GALNT17: variants seen among roughly 807,000 people sequenced by gnomAD.
GALNT17 encodes the protein polypeptide N-acetylgalactosaminyltransferase 17, also known as UDP-GalNAc:polypeptide N-acetylgalactosaminyltransferase-like 3.
GALNT17 carries 29 observed loss-of-function variants against 63.7 expected under a neutral mutation model. The ratio of observed to expected loss-of-function variants is 0.46; its 90% CI spans 0.34 to 0.62. The LOEUF (loss-of-function observed/expected upper bound fraction) is 0.62. GALNT17 is among the 20% of genes least tolerant of loss of function. The pLI, the probability that GALNT17 is intolerant of heterozygous loss-of-function variation, is 0.01. For missense variants in GALNT17, 603 were observed against 799.6 expected, an observed-to-expected ratio of 0.75 and a Z score of 2.97; for synonymous variants, 305 against 318.3, an observed-to-expected ratio of 0.96 and a Z score of 0.45.
intron 1 of GALNT17, among the ~76,000 whole-genome samples, chr7:71,201,238 T>TA (rs201227384): frequency 0.086 from 12,291 of 143,244 alleles, 1,363 homozygotes; most frequent in African/African-American, 0.25. Context: ...TGTGTGTTTA[T>TA]TTTTATATAT....
chr7:71,627,380 T>C (rs1467616165), intron 6 of GALNT17, among the ~76,000 whole-genome samples: 1 of 152,166 alleles, frequency 6.6e-6, no homozygotes, highest in Non-Finnish European at 1.5e-5. Context: ...GGTTGCACCA[T>C]TGCGCCCTAG....
intron 5 of GALNT17, among the ~76,000 whole-genome samples, chr7:71,469,360 C>A (rs998436639): frequency 6.6e-6 from 1 of 152,120 alleles, no homozygotes; most frequent in Non-Finnish European, 1.5e-5. Flanking sequence ...ATTCCTGTGG[C>A]CTAGGACTGG....
At chr7:71,461,204 G>A (rs1227254933) in intron 5 of GALNT17, among the ~76,000 whole-genome samples, 1 of 150,594 alleles carries the variant, frequency 6.6e-6, no homozygotes, top group African/African-American at 2.4e-5. Flanking sequence ...CATTTTTCTA[G>A]GTCCAGTAGT....
intron 1 of GALNT17, among the ~76,000 whole-genome samples, chr7:71,204,355 T>A (rs1789231298): frequency 6.6e-6 from 1 of 152,196 alleles, no homozygotes; most frequent in Non-Finnish European, 1.5e-5. Flanking sequence ...TTGTTTTGTT[T>A]GCACGAGATT....
At chr7:71,268,293 A>G (rs1392269704) in intron 1 of GALNT17, among the ~76,000 whole-genome samples, 12 of 151,774 alleles carry the variant, frequency 7.9e-5, no homozygotes, top group African/African-American at 1.5e-4. Flanking sequence ...TGTAATTCCA[A>G]CACACTGGGA....
intron 6 of GALNT17, among the ~76,000 whole-genome samples, chr7:71,622,429 T>C (rs1028199124): frequency 2.0e-5 from 3 of 152,220 alleles, no homozygotes; most frequent in South Asian, 2.1e-4. Context: ...TTCAAAGATA[T>C]CTTCTTGTCT....
At chr7:71,421,521 AGGGGGTGT>A (rs1786665152) in intron 5 of GALNT17, among the ~76,000 whole-genome samples, 1 of 152,136 alleles carries the variant, frequency 6.6e-6, no homozygotes, top group African/African-American at 2.4e-5. Flanking sequence ...GAAAAGGACA[AGGGGGTGT>A]GGCATTCTGA....
intron 6 of GALNT17, among the ~76,000 whole-genome samples, chr7:71,644,579 G>T (rs1329260015): frequency 8.0e-5 from 10 of 125,028 alleles, no homozygotes; most frequent in Admixed American, 7.8e-4. Context: ...GAGAAAGAAA[G>T]AAAAGAAAAA....
chr7:71,712,136 C>G lies in GALNT17; in HGVS notation c.1787C>G (p.Ser596Cys). 6.2e-7 allele frequency: 1 copy of G among 1,613,156 alleles called. No individual in the cohort carries two copies. The change falls in exon 11 of 11, where the codon TCC becomes TGC. Residue 596 changes from serine to cysteine, a missense_variant. Transcript: ENST00000333538. ...GGTCAGAGGTGGACCATTAAGAACT[C>G]CATCAAGTAGAGGGAGGGAGCTGGG... is the stretch of plus-strand genomic sequence containing the variant. Reference protein sequence around the residue: ...CTGQRWTIKNSIK With the variant: ...CTGQRWTIKNCIK
At chr7:71,490,434 A>C (rs1199661124) in intron 5 of GALNT17, among the ~76,000 whole-genome samples, 1 of 151,936 alleles carries the variant, frequency 6.6e-6, no homozygotes, top group Non-Finnish European at 1.5e-5. Context: ...GCCTACAGAG[A>C]CCCCCTTAAG....
chr7:71,323,125 T>A (rs1458307569), intron 1 of GALNT17, among the ~76,000 whole-genome samples: 1 of 152,106 alleles, frequency 6.6e-6, no homozygotes, highest in African/African-American at 2.4e-5. Flanking sequence ...GTCTTGATAA[T>A]GTCTTGTAAT....
chr7:71,379,274 C>G (rs530153958), intron 2 of GALNT17, among the ~76,000 whole-genome samples: 1 of 152,140 alleles, frequency 6.6e-6, no homozygotes, highest in African/African-American at 2.4e-5. Flanking sequence ...TTCATAGTGG[C>G]TGGAGAAAGG....
intron 5 of GALNT17, among the ~76,000 whole-genome samples, chr7:71,454,277 T>G (rs1583968531): frequency 6.6e-6 from 1 of 152,272 alleles, no homozygotes; most frequent in African/African-American, 2.4e-5. Flanking sequence ...CCTGTGTCCA[T>G]GTATTCTCAT....
At chr7:71,143,576 T>C (rs1364300524) in intron 1 of GALNT17, among the ~76,000 whole-genome samples, 1 of 151,974 alleles carries the variant, frequency 6.6e-6, no homozygotes, top group Non-Finnish European at 1.5e-5. Context: ...GGGAGTTTGT[T>C]AGGAGGACTG....
chr7:71,203,561 G>A (rs1462345894), intron 1 of GALNT17, among the ~76,000 whole-genome samples: 1 of 152,178 alleles, frequency 6.6e-6, no homozygotes, highest in East Asian at 1.9e-4. Flanking sequence ...TCAGGGGCAT[G>A]GTGTATTAGG....
intron 1 of GALNT17, among the ~76,000 whole-genome samples, chr7:71,323,456 C>T (rs1388501143): frequency 1.3e-5 from 2 of 152,152 alleles, no homozygotes; most frequent in Admixed American, 6.5e-5. Flanking sequence ...TTACTCCATT[C>T]TCTTCCACCA....
chr7:71,269,730 C>T (rs551067765), intron 1 of GALNT17, among the ~76,000 whole-genome samples: 1 of 152,262 alleles, frequency 6.6e-6, no homozygotes, highest in East Asian at 1.9e-4. Context: ...TTGTAGTTTC[C>T]TAACTTATTT....
At chr7:71,182,429 A>G (rs1585863052) in intron 1 of GALNT17, among the ~76,000 whole-genome samples, 1 of 152,318 alleles carries the variant, frequency 6.6e-6, no homozygotes, top group East Asian at 1.9e-4. Context: ...CAAAGTCATG[A>G]GAACCTTTTT....
chr7:71,273,153 A>G (rs182077179), intron 1 of GALNT17, among the ~76,000 whole-genome samples: 3 of 152,260 alleles, frequency 2.0e-5, no homozygotes, highest in African/African-American at 4.8e-5. Flanking sequence ...TGCTTGGAGA[A>G]GAAACTGCAT....
Sources: allele counts gnomAD v4.1 joint callset (sites outside exome capture counted in the v4.1 genomes callset), GRCh38; gene constraint gnomAD v4.1.1; transcripts MANE v1.5; gene names NCBI Gene and HGNC (gene_info 2026-07-23, HGNC 2026-07-21).